The following TMEM38B variants were observed in gnomAD, a reference collection of about 807,000 sequenced individuals.
TMEM38B encodes trimeric intracellular cation channel type B.
TMEM38B carries 24 observed loss-of-function variants against 28.7 expected under a neutral mutation model. The observed-to-expected ratio is 0.84, with a 90% CI of 0.61 to 1.18. The LOEUF (loss-of-function observed/expected upper bound fraction) is 1.18. TMEM38B is among the 50% of genes most tolerant of loss of function. The pLI is 0.00. For synonymous variants in TMEM38B, 131 were observed against 127.7 expected, an observed-to-expected ratio of 1.03 and a Z score of -0.17; for missense variants, 380 against 350.9, an observed-to-expected ratio of 1.08 and a Z score of -0.66.
chr9:105,747,988 T>C, intron 4 of TMEM38B, 85 bp from the exon 5 acceptor site: 1 of 859,986 alleles, frequency 1.2e-6, no homozygotes, highest in East Asian at 2.4e-5. Flanking sequence ...ACCCATTAAG[T>C]TAATGTTTTG....
At chr9:105,697,086 C>A (rs1835314908) in intron 1 of TMEM38B, among the ~76,000 whole-genome samples, 1 of 152,196 alleles carries the variant, frequency 6.6e-6, no homozygotes, top group Non-Finnish European at 1.5e-5. Context: ...CACATAGAAT[C>A]TGTTCACCAT....
chr9:105,696,706 G>A (rs904278510), intron 1 of TMEM38B, among the ~76,000 whole-genome samples: 1 of 152,196 alleles, frequency 6.6e-6, no homozygotes, highest in Non-Finnish European at 1.5e-5. Context: ...GTGGCCCCAA[G>A]GAGATGGTGG....
intron 4 of TMEM38B, 44 bp from the exon 5 acceptor site, chr9:105,748,029 G>A (rs756504999): frequency 7.6e-7 from 1 of 1,310,032 alleles, no homozygotes; most frequent in South Asian, 1.2e-5. Flanking sequence ...TTAGAGATAT[G>A]TCATATTTAT....
intron 4 of TMEM38B, among the ~76,000 whole-genome samples, chr9:105,741,049 A>G (rs544920187): frequency 1.1e-4 from 17 of 152,316 alleles, no homozygotes; most frequent in African/African-American, 3.6e-4. Flanking sequence ...GTGGGACGGA[A>G]TGCAGTCACA....
intron 5 of TMEM38B, among the ~76,000 whole-genome samples, chr9:105,769,720 T>G (rs1221668972): frequency 1.5e-5 from 2 of 136,930 alleles, no homozygotes; most frequent in Non-Finnish European, 3.0e-5. Context: ...GATATGAACT[T>G]TAATAGTTTG....
chr9:105,766,113 G>A (rs1018207960), intron 5 of TMEM38B, among the ~76,000 whole-genome samples: 2 of 151,980 alleles, frequency 1.3e-5, no homozygotes, highest in Admixed American at 1.3e-4. Flanking sequence ...ATGTATTTTC[G>A]TTTCACTTAA....
intron 1 of TMEM38B, among the ~76,000 whole-genome samples, chr9:105,699,865 G>A (rs1384289440): frequency 2.0e-5 from 3 of 152,044 alleles, no homozygotes; most frequent in Non-Finnish European, 4.4e-5. Flanking sequence ...TCTTTTCTCT[G>A]TCTCCTGGGC....
chr9:105,728,512 A>C (rs1374427675), intron 4 of TMEM38B, among the ~76,000 whole-genome samples: 1 of 152,160 alleles, frequency 6.6e-6, no homozygotes, highest in Non-Finnish European at 1.5e-5. Flanking sequence ...GGTTGGTTCC[A>C]AGTCTTTGCT....
chr9:105,702,213 A>G (rs1835483407), intron 1 of TMEM38B, among the ~76,000 whole-genome samples: 1 of 151,176 alleles, frequency 6.6e-6, no homozygotes, highest in Non-Finnish European at 1.5e-5. Flanking sequence ...TATGTTGTTC[A>G]TTTTTCTCTC....
In TMEM38B at chr9:105,774,261, G is replaced by A; in HGVS notation, c.*181G>A. 3.5e-6 allele frequency: 2 copies of A among 568,386 alleles called. No individual in the cohort carries two copies. 35.2% of individuals were successfully genotyped at this position (568,386 alleles called of 1,614,324 possible). A position where few individuals can be genotyped will look rare whatever the true frequency, so the allele number is the denominator to read the frequency against. On this transcript the variant is annotated 3_prime_UTR_variant, in exon 6 of 6. Transcript: ENST00000374692. ...CCTTTCTGGATTGTATTTGTAGAGT[G>A]TTACGAGTGTATCATGTGATTATGC...
intron 1 of TMEM38B, chr9:105,701,112 A>G (rs1253975572): frequency 6.6e-6 from 1 of 152,114 alleles, no homozygotes; most frequent in African/African-American, 2.4e-5. Context: ...GAACTCTGTG[A>G]TAATGTAGTA....
chr9:105,695,898 G>C (rs1294227794), intron 1 of TMEM38B, among the ~76,000 whole-genome samples: 1 of 152,140 alleles, frequency 6.6e-6, no homozygotes, highest in African/African-American at 2.4e-5. Context: ...ATCTGCATAA[G>C]ATATTATTTC....
chr9:105,721,178 TC>T (rs770764926), intron 2 of TMEM38B, among the ~76,000 whole-genome samples: 1 of 152,314 alleles, frequency 6.6e-6, no homozygotes, highest in South Asian at 2.1e-4. Context: ...GTGTAGGAGT[TC>T]CTACCCCTGG....
chr9:105,697,508 T>C (rs988950609), intron 1 of TMEM38B, among the ~76,000 whole-genome samples: 2 of 152,228 alleles, frequency 1.3e-5, no homozygotes, highest in Non-Finnish European at 2.9e-5. Flanking sequence ...TTTTCATTTA[T>C]GTTTGTCATG....
chr9:105,769,103 A>G (rs1484764439), intron 5 of TMEM38B, among the ~76,000 whole-genome samples: 1 of 152,224 alleles, frequency 6.6e-6, no homozygotes, highest in African/African-American at 2.4e-5. Flanking sequence ...TATGCCTGAT[A>G]TATAACAACC....
chr9:105,749,231 C>G, intron 5 of TMEM38B: 4 of 590,002 alleles, frequency 6.8e-6, no homozygotes, highest in Non-Finnish European at 1.0e-5. Context: ...CTGTGTTAGT[C>G]TGTTCTCATG....
chr9:105,714,755 G>A (rs112338282), intron 2 of TMEM38B, among the ~76,000 whole-genome samples: 2 of 152,194 alleles, frequency 1.3e-5, no homozygotes, highest in African/African-American at 4.8e-5. Flanking sequence ...ACCTGGTGTT[G>A]TAAGATTCAT....
chr9:105,699,400 A>G (rs1236827022), intron 1 of TMEM38B, among the ~76,000 whole-genome samples: 1 of 152,088 alleles, frequency 6.6e-6, no homozygotes, highest in Non-Finnish European at 1.5e-5. Context: ...TTCTTCATAT[A>G]TTTACCCTCT....
intron 4 of TMEM38B, among the ~76,000 whole-genome samples, chr9:105,726,958 T>C (rs1564397227): frequency 1.3e-5 from 2 of 152,248 alleles, no homozygotes; most frequent in Admixed American, 1.3e-4. Flanking sequence ...GAATTATTAT[T>C]TTTACTGGTT....
Sources: gnomAD v4.1 joint callset for allele counts (sites outside exome capture counted in the v4.1 genomes callset) on GRCh38, gnomAD v4.1.1 for gene constraint, MANE v1.5 for transcripts, NCBI Gene and HGNC (gene_info 2026-07-23, HGNC 2026-07-21) for gene names.